Variants in DOCK3 observed in about 807,000 individuals in gnomAD.
DOCK3 encodes the protein dedicator of cytokinesis protein 3.
Under a neutral mutation model 265.6 loss-of-function variants are expected in DOCK3, and 60 were observed. The ratio of observed to expected loss-of-function variants is 0.23; its 90% CI spans 0.18 to 0.28. The LOEUF (loss-of-function observed/expected upper bound fraction) is 0.28, where lower values mean the gene tolerates loss of function less well. Among genes scored for constraint, DOCK3 ranks in the 10% least tolerant of loss-of-function variants. The pLI, the probability that DOCK3 is intolerant of heterozygous loss-of-function variation, is 1.00. For missense variants in DOCK3, 1,981 were observed against 2,594.3 expected (o/e 0.76, Z 5.14); for synonymous variants, 881 against 938.0 (o/e 0.94, Z 1.11).
At chr3:51,230,610 C>T (rs1044304698) in intron 19 of DOCK3, among the ~76,000 whole-genome samples, 1 of 151,836 alleles carries the variant, frequency 6.6e-6, no homozygotes, top group African/African-American at 2.4e-5. Context: ...TCTGCCTGCC[C>T]GGTTCAAGCG....
rs796519905 is a variant in DOCK3 at position 50,822,501 on chromosome 3, C to CT, written c.122-19162dup. Among the ~76,000 whole-genome samples the CT allele has an allele frequency of 7.3e-3, 1,057 of 145,640 alleles. 7 individuals carry two copies. Among genetic ancestry groups the CT allele is most frequent in the African/African-American group, 0.024 (953 of 39,996 alleles). On this transcript the variant is annotated intron_variant, in intron 2 of 52. Transcript: ENST00000266037. The stretch of plus-strand genomic sequence containing the variant: ...TTTAAGGAGATTTCTAGCTCGGATA[C>CT]TTTTTTTTTTTTAGAGTCAAGGTTT...
At position 51,381,799 on chromosome 3, in the gene DOCK3, TTTTCCTTTC is replaced by T; in HGVS notation, c.*249_*257del. ...TTTTTTACATTTCCATTTCTATGGG[TTTTCCTTTC>T]TTTCCTTTATGCAGTAGATGCTTTC... On this transcript the variant is annotated 3_prime_UTR_variant, in exon 53 of 53. Transcript: ENST00000266037. This position sits in a 1 kb window ranked among gnomAD's most constrained non-coding sequence, Gnocchi z 5.6. The T allele has an allele frequency of 2.2e-6, 1 of 463,962 alleles. No homozygotes were observed. The highest frequency in any genetic ancestry group is 3.7e-6 in the Non-Finnish European group (1 of 268,866). The allele number at this position is 463,962 out of a possible 1,614,324, so 28.7% of individuals were successfully genotyped here.
chr3:51,036,867 T>G (rs2080291892), intron 5 of DOCK3, among the ~76,000 whole-genome samples: 1 of 152,074 alleles, frequency 6.6e-6, no homozygotes, highest in Admixed American at 6.6e-5. Flanking sequence ...GATCTGATGG[T>G]TTTAAAAACG....
intron 22 of DOCK3, among the ~76,000 whole-genome samples, chr3:51,248,606 G>A (rs939078593): frequency 2.8e-4 from 43 of 152,162 alleles, no homozygotes; most frequent in African/African-American, 9.9e-4. Flanking sequence ...GCCTCTGCCC[G>A]GCCGCCACCC....
chr3:51,361,529 C>G lies in DOCK3; in HGVS notation c.5007-330C>G, dbSNP rs1323384779. On this transcript the variant is annotated intron_variant, in intron 47 of 52. Coordinates refer to ENST00000266037, the MANE Select transcript of DOCK3 (RefSeq NM_004947.5). This position sits in a 1 kb window ranked among gnomAD's most constrained non-coding sequence, Gnocchi z 4.2. ...GACTAATACCCCATAGAAAGGGGAACCTGAGGTCTTTGACCTGATTTGGCA... is the reference window on the plus strand; with the variant it reads ...GACTAATACCCCATAGAAAGGGGAAGCTGAGGTCTTTGACCTGATTTGGCA... Among the ~76,000 whole-genome samples the G allele has an allele frequency of 6.6e-6, 1 of 152,062 alleles. No individual in the cohort carries two copies. The highest frequency in any genetic ancestry group is 1.5e-5 in the Non-Finnish European group (1 of 68,000).
At chr3:51,071,155 A>G (rs961575184) in intron 6 of DOCK3, among the ~76,000 whole-genome samples, 2 of 152,202 alleles carry the variant, frequency 1.3e-5, no homozygotes, top group Non-Finnish European at 2.9e-5. Flanking sequence ...CATTTAAAAG[A>G]AATAGAGATT....
chr3:51,083,536 A>G (rs1054917270), intron 7 of DOCK3, among the ~76,000 whole-genome samples: 3 of 152,234 alleles, frequency 2.0e-5, no homozygotes, highest in Non-Finnish European at 4.4e-5. Context: ...CAGATAAACA[A>G]TAAAAAATCA....
At chr3:51,353,782 C>T (rs369612441) in intron 40 of DOCK3, among the ~76,000 whole-genome samples, 10 of 151,080 alleles carry the variant, frequency 6.6e-5, no homozygotes, top group Non-Finnish European at 1.2e-4. Context: ...GGCCCTGTGA[C>T]GCCTCTCTCT....
intron 5 of DOCK3, among the ~76,000 whole-genome samples, chr3:51,013,598 G>A (rs939901912): frequency 6.6e-6 from 1 of 152,178 alleles, no homozygotes; most frequent in Non-Finnish European, 1.5e-5. Flanking sequence ...CTATTGGGAG[G>A]TGTCTCCAAG....
At chr3:51,249,363 C>T (rs1252462171) in intron 22 of DOCK3, among the ~76,000 whole-genome samples, 5 of 142,740 alleles carry the variant, frequency 3.5e-5, no homozygotes, top group East Asian at 2.2e-4. Context: ...CCGCCCAGTC[C>T]GGGAGGGAGG....
At chr3:51,076,145 CA>C in intron 7 of DOCK3, among the ~76,000 whole-genome samples, 1 of 152,216 alleles carries the variant, frequency 6.6e-6, no homozygotes, top group Non-Finnish European at 1.5e-5. Flanking sequence ...GTTGCCTGGA[CA>C]AGGACCTAAG....
At chr3:50,880,479 T>C in intron 3 of DOCK3, 1 of 165,672 alleles carries the variant, frequency 6.0e-6, no homozygotes. Flanking sequence ...CAAACTACCA[T>C]CAGAAAACAC....
intron 7 of DOCK3, among the ~76,000 whole-genome samples, chr3:51,079,698 C>G (rs545388774): frequency 6.6e-6 from 1 of 152,158 alleles, no homozygotes; most frequent in South Asian, 2.1e-4. Flanking sequence ...GTCCTTAGTG[C>G]TCTTCAATTC....
chr3:50,838,351 A>G (rs1488692840), intron 2 of DOCK3, among the ~76,000 whole-genome samples: 1 of 152,234 alleles, frequency 6.6e-6, no homozygotes, highest in African/African-American at 2.4e-5. Context: ...GTGTTGTAAG[A>G]ATGCCTTCCT....
At chr3:51,246,975 C>T (rs2078870534) in intron 22 of DOCK3, among the ~76,000 whole-genome samples, 168 bp downstream of exon 22, 1 of 152,208 alleles carries the variant, frequency 6.6e-6, no homozygotes, top group East Asian at 1.9e-4. Flanking sequence ...TTGATTTTGC[C>T]CCAGAAAGCT....
chr3:51,085,077 A>T (rs1424539369), intron 7 of DOCK3, among the ~76,000 whole-genome samples: 1 of 152,228 alleles, frequency 6.6e-6, no homozygotes, highest in Admixed American at 6.5e-5. Flanking sequence ...ACATAAAAAT[A>T]GATAAGGTCA....
At chr3:50,843,272 G>A (rs1162256482) in intron 3 of DOCK3, among the ~76,000 whole-genome samples, 1 of 152,106 alleles carries the variant, frequency 6.6e-6, no homozygotes, top group Non-Finnish European at 1.5e-5. Context: ...AGTCAGCTGT[G>A]GGGTCAGTGT....
intron 3 of DOCK3, among the ~76,000 whole-genome samples, chr3:50,873,858 C>T (rs182692354): frequency 1.6e-4 from 25 of 152,260 alleles, no homozygotes; most frequent in South Asian, 1.2e-3. Context: ...CCAATTTCCG[C>T]GCTGTTTCTC....
At chr3:51,186,477 C>A (rs550189629) in intron 12 of DOCK3, among the ~76,000 whole-genome samples, 1 of 152,204 alleles carries the variant, frequency 6.6e-6, no homozygotes, top group Non-Finnish European at 1.5e-5. Flanking sequence ...AAATTACATT[C>A]TCTGAGGAGA....
Sources: gnomAD v4.1 joint callset for allele counts (sites outside exome capture counted in the v4.1 genomes callset) on GRCh38, gnomAD v4.1.1 for gene constraint, Gnocchi (gnomAD v3.1) non-coding constraint, MANE v1.5 for transcripts, NCBI Gene and HGNC (gene_info 2026-07-23, HGNC 2026-07-21) for gene names.